Variants in LRP1B observed in about 807,000 individuals in gnomAD.
LRP1B encodes the protein LDL receptor related protein 1B, also known as low-density lipoprotein receptor-related protein 1B.
A neutral mutation model predicts 556.6 loss-of-function variants in LRP1B; 217 were observed. The observed-to-expected ratio is 0.39, with a 90% confidence interval of 0.35 to 0.44. The LOEUF (loss-of-function observed/expected upper bound fraction) is 0.44, where lower values mean the gene tolerates loss of function less well. Among genes scored for constraint, LRP1B ranks in the 20% least tolerant of loss-of-function variants. The pLI, the probability that LRP1B is intolerant of heterozygous loss-of-function variation, is 1.00. For synonymous variants in LRP1B, 2,047 were observed against 1,865.8 expected (o/e 1.10, Z -2.50); for missense variants, 5,053 against 5,620.8 (o/e 0.90, Z 3.23).
intron 25 of LRP1B, among the ~76,000 whole-genome samples, chr2:140,881,426 T>C (rs1429352): frequency 0.84 from 127,565 of 152,012 alleles, 53,929 homozygotes; most frequent in Non-Finnish European, 0.89. Flanking sequence ...TAAAAATGTA[T>C]ATTTTAAAAT....
intron 1 of LRP1B, among the ~76,000 whole-genome samples, chr2:141,827,948 A>G (rs1051891657): frequency 3.3e-5 from 5 of 152,048 alleles, no homozygotes; most frequent in Admixed American, 3.3e-4. Context: ...GAAATTCTAC[A>G]TGAGGAATCC....
At chr2:140,770,374 C>T (rs1689269230) in intron 34 of LRP1B, among the ~76,000 whole-genome samples, 1 of 151,956 alleles carries the variant, frequency 6.6e-6, no homozygotes, top group East Asian at 1.9e-4. Context: ...CATTCTAGAA[C>T]CAAAGTTATT....
At chr2:140,644,969 T>A (rs993308881) in intron 41 of LRP1B, among the ~76,000 whole-genome samples, 2 of 152,196 alleles carry the variant, frequency 1.3e-5, no homozygotes, top group African/African-American at 4.8e-5. Context: ...TAATGAATTG[T>A]TCAAGCCATT....
In LRP1B at chr2:141,443,811, A is replaced by T. The variant is rs148088233; in HGVS notation, c.343+36585T>A. ...GTATATATGTTTTGGTACTACTACC[A>T]TGCTGTTTTGATTAATGTAGCCTTG... On this transcript the variant is annotated intron_variant, in intron 3 of 90. Transcript: ENST00000389484. Among the ~76,000 whole-genome samples the T allele has an allele frequency of 3.5e-3, 540 of 152,302 alleles. 5 individuals are homozygous for T. The highest frequency in any genetic ancestry group is 0.012 in the African/African-American group (505 of 41,572).
chr2:140,754,972 T>G (rs80073856), intron 35 of LRP1B, among the ~76,000 whole-genome samples: 53 of 151,726 alleles, frequency 3.5e-4, no homozygotes, highest in Non-Finnish European at 6.3e-4. Flanking sequence ...AAATTAAGAA[T>G]GAAATATGAG....
At chr2:141,941,963 AT>A (rs1700820247) in intron 1 of LRP1B, among the ~76,000 whole-genome samples, 1 of 152,158 alleles carries the variant, frequency 6.6e-6, no homozygotes, top group South Asian at 2.1e-4. Flanking sequence ...ATATTCTGAA[AT>A]TTTAATTTCT....
intron 5 of LRP1B, among the ~76,000 whole-genome samples, chr2:141,245,372 A>C (rs192149319): frequency 6.6e-6 from 1 of 152,310 alleles, no homozygotes; most frequent in Non-Finnish European, 1.5e-5. Context: ...AATCATTGAA[A>C]TCATAACATG....
At chr2:140,872,694 C>T (rs546460078) in intron 25 of LRP1B, among the ~76,000 whole-genome samples, 1 of 151,978 alleles carries the variant, frequency 6.6e-6, no homozygotes, top group East Asian at 1.9e-4. Flanking sequence ...CTTCCTCTAG[C>T]ACCACCAGAC....
chr2:140,239,766 A>C (rs1680869085), intron 87 of LRP1B, among the ~76,000 whole-genome samples: 1 of 150,934 alleles, frequency 6.6e-6, no homozygotes, highest in Non-Finnish European at 1.5e-5. Context: ...GCATTTAAAT[A>C]CCTTGAGATT....
chr2:141,138,065 T>C (rs1373359153), intron 7 of LRP1B, among the ~76,000 whole-genome samples: 2 of 151,914 alleles, frequency 1.3e-5, no homozygotes, highest in African/African-American at 2.4e-5. Flanking sequence ...TTAAATCCTA[T>C]GATATATTAA....
At chr2:141,896,212 CAA>C (rs1391695351) in intron 1 of LRP1B, among the ~76,000 whole-genome samples, 3 of 152,102 alleles carry the variant, frequency 2.0e-5, no homozygotes, top group African/African-American at 4.8e-5. Context: ...CAAAGAAAAG[CAA>C]AGTTTTTCAA....
chr2:140,850,304 T>G lies in LRP1B; in HGVS notation c.4737A>C (p.Ala1579=). 2 of 1,598,278 alleles carry G rather than the reference T, an allele frequency of 1.3e-6. No homozygotes were observed. Among genetic ancestry groups the G allele is most frequent in the South Asian group, 1.1e-5 (1 of 87,612 alleles). Reference sequence around the variant, plus strand: ...CCACTCCTCTGATTTCAGAACGTCTTGCATAAAGAAGAAATTTTTTCATTT... The same window carrying G: ...CCACTCCTCTGATTTCAGAACGTCTGGCATAAAGAAGAAATTTTTTCATTT... ...CYEMKKFLLY[A]RRSEIRGVDI... is the part of the protein sequence containing the mutation. The change falls in exon 29 of 91, where the codon GCA becomes GCC. Residue 1579 remains alanine, a synonymous_variant. Coordinates refer to ENST00000389484, the MANE Select transcript of LRP1B (RefSeq NM_018557.3).
intron 1 of LRP1B, among the ~76,000 whole-genome samples, chr2:142,100,479 A>G (rs1443640846): frequency 1.3e-5 from 2 of 152,032 alleles, no homozygotes; most frequent in African/African-American, 2.4e-5. Context: ...CAGATTTTCA[A>G]AAGTAAATTC....
intron 46 of LRP1B, 28 bp from the exon 47 acceptor site, chr2:140,534,168 C>T (rs1343586186): frequency 6.3e-7 from 1 of 1,588,334 alleles, no homozygotes. Flanking sequence ...AAACACACAA[C>T]CAGAGATCAT....
At chr2:141,944,073 T>C (rs1700890016) in intron 1 of LRP1B, among the ~76,000 whole-genome samples, 2 of 152,128 alleles carry the variant, frequency 1.3e-5, no homozygotes, top group Admixed American at 6.5e-5. Context: ...CGCAGATTTG[T>C]TGGAGGTTCT....
intron 43 of LRP1B, among the ~76,000 whole-genome samples, chr2:140,588,334 C>T (rs1216027468): frequency 1.3e-5 from 2 of 152,076 alleles, no homozygotes; most frequent in African/African-American, 4.8e-5. Context: ...TTCTATGCTT[C>T]GCTTTACTGG....
intron 1 of LRP1B, among the ~76,000 whole-genome samples, chr2:141,829,077 G>C (rs1339342691): frequency 6.6e-6 from 1 of 151,908 alleles, no homozygotes; most frequent in African/African-American, 2.4e-5. Context: ...TATCAAGCGA[G>C]AGTAAGACAT....
intron 15 of LRP1B, 106 bp from the exon 16 acceptor site, chr2:140,994,241 G>C (rs1345168702): frequency 1.1e-6 from 1 of 877,708 alleles, no homozygotes; most frequent in East Asian, 2.5e-5. Flanking sequence ...CTACATATCA[G>C]TGGGATGAGG....
intron 1 of LRP1B, among the ~76,000 whole-genome samples, chr2:141,872,831 T>C (rs1024934555): frequency 2.0e-5 from 3 of 152,120 alleles, no homozygotes; most frequent in African/African-American, 7.2e-5. Flanking sequence ...AATTAATTAA[T>C]TAAAACATTT....
Sources: allele counts gnomAD v4.1 joint callset (sites outside exome capture counted in the v4.1 genomes callset), GRCh38; gene constraint gnomAD v4.1.1; transcripts MANE v1.5; gene names NCBI Gene and HGNC (gene_info 2026-07-23, HGNC 2026-07-21).